Variants in USP10 observed in about 807,000 individuals in gnomAD.
The protein encoded by USP10 is ubiquitin specific peptidase 10, also known as ubiquitin carboxyl-terminal hydrolase 10.
USP10 carries 22 observed loss-of-function variants against 84.5 expected under a neutral mutation model. The ratio of observed to expected loss-of-function variants is 0.26; its 90% CI spans 0.19 to 0.37. USP10 has a LOEUF of 0.37. Ranked by LOEUF, USP10 falls within the 10% of genes least tolerant of loss-of-function variation. The pLI is 1.00. For missense variants in USP10, 1,019 were observed against 998.9 expected (o/e 1.02, Z -0.27); for synonymous variants, 454 against 387.6 (o/e 1.17, Z -2.01).
chr16:84,745,446 C>T lies in USP10; in HGVS notation c.965C>T (p.Pro322Leu). 1.2e-6 allele frequency: 2 copies of T among 1,613,660 alleles called. No individual in the cohort carries two copies. Among genetic ancestry groups the T allele is most frequent in the Admixed American group, 1.7e-5 (1 of 60,004 alleles). ...CCAACCAAACCCGAGAGTGCATCACCTCCTGCTGACGGCACGGGCTCTGCA... is the reference window on the plus strand; with the variant it reads ...CCAACCAAACCCGAGAGTGCATCACTTCCTGCTGACGGCACGGGCTCTGCA... ...LDPTKPESAS[P>L]PADGTGSASG... The change falls in exon 4 of 14, where the codon CCT becomes CTT. Residue 322 changes from proline to leucine, a missense_variant. Physicochemically the swap from Pro to Leu is moderately conservative, Grantham distance 98 (BLOSUM62 -3). This residue lies in a region of USP10 where 787 missense variants were observed against 708.8 expected (regional missense o/e 1.11). Transcript: ENST00000219473.
intron 3 of USP10, among the ~76,000 whole-genome samples, 185 bp downstream of exon 3, chr16:84,740,554 T>G (rs1187519746): frequency 1.3e-5 from 2 of 152,276 alleles, no homozygotes; most frequent in South Asian, 2.1e-4. Flanking sequence ...TTAAAGCGTA[T>G]CCTGTGCTTC....
At chr16:84,721,202 AT>A (rs919922262) in intron 1 of USP10, among the ~76,000 whole-genome samples, 12 of 152,128 alleles carry the variant, frequency 7.9e-5, no homozygotes, top group African/African-American at 2.9e-4. Context: ...ATGATGCAGA[AT>A]TTTTAAGATG....
At chr16:84,768,122 C>G (rs897668615) in intron 10 of USP10, 71 bp from the exon 11 acceptor site, 3 of 1,447,446 alleles carry the variant, frequency 2.1e-6, no homozygotes, top group African/African-American at 1.4e-5. Context: ...TGTTTATTCC[C>G]TTGGTTAATC....
chr16:84,704,281 C>G (rs943104885), intron 1 of USP10, among the ~76,000 whole-genome samples: 1 of 152,210 alleles, frequency 6.6e-6, no homozygotes, highest in African/African-American at 2.4e-5. Context: ...ATTACTGGTA[C>G]TATACCAAAA....
intron 3 of USP10, among the ~76,000 whole-genome samples, chr16:84,740,880 A>G (rs2150815363): frequency 6.6e-6 from 1 of 152,356 alleles, no homozygotes; most frequent in Admixed American, 6.5e-5. Flanking sequence ...TCTCCATCAC[A>G]GGCACTAAGC....
rs562734330 is a variant in USP10 at position 84,758,756 on chromosome 16, G to T, written c.1233G>T (p.Ser411=). The change falls in exon 5 of 14, where the codon TCG becomes TCT. Residue 411 remains serine, a synonymous_variant. Transcript: ENST00000219473. ...TAACCCTAATCCATAAACCAGTGTC[G>T]TTGCAACCCCGTGGGCTGATCAATA... ...ENVTLIHKPV[S]LQPRGLINKG... is the part of the protein sequence containing the mutation. The T allele has an allele frequency of 4.3e-6, 7 of 1,613,764 alleles. No individual in the cohort carries two copies. The Admixed American group carries it at 8.3e-5, about 19-fold the overall frequency.
rs1363724306 is a variant in USP10 at position 84,704,970 on chromosome 16, G to A, written c.21+4859G>A. 30 of 1,462,532 alleles carry A rather than the reference G, an allele frequency of 2.1e-5. No homozygotes were observed. In the South Asian group the frequency reaches 2.6e-4, roughly 13 times the overall value. The allele number at this position is 1,462,532 out of a possible 1,614,324, so 90.6% of individuals were successfully genotyped here. A position where few individuals can be genotyped will look rare whatever the true frequency, so the allele number is the denominator to read the frequency against. On this transcript the variant is annotated intron_variant, in intron 1 of 13. Transcript: ENST00000219473. ...TTAGGAGAATGTGCATGTGGAGTGCGGGCCCAGCACCTGCTACCGTCTGCG... is the reference window on the plus strand; with the variant it reads ...TTAGGAGAATGTGCATGTGGAGTGCAGGCCCAGCACCTGCTACCGTCTGCG...
At chr16:84,776,525 G>A (rs1369808777) in intron 13 of USP10, among the ~76,000 whole-genome samples, 2 of 152,220 alleles carry the variant, frequency 1.3e-5, no homozygotes, top group East Asian at 1.9e-4. Context: ...TGGAATGGAA[G>A]GTCTGAGTCC....
At chr16:84,703,241 G>T (rs1905114103) in intron 1 of USP10, among the ~76,000 whole-genome samples, 1 of 152,108 alleles carries the variant, frequency 6.6e-6, no homozygotes, top group African/African-American at 2.4e-5. Flanking sequence ...GAGGGGACCG[G>T]TTAAATTATT....
chr16:84,756,455 T>TG (rs1196293867), intron 4 of USP10, among the ~76,000 whole-genome samples: 2 of 151,994 alleles, frequency 1.3e-5, no homozygotes, highest in Non-Finnish European at 2.9e-5. Flanking sequence ...TAGCCGGGCG[T>TG]GGTGGTGCAC....
At chr16:84,701,221 T>G (rs1033637758) in intron 1 of USP10, among the ~76,000 whole-genome samples, 3 of 152,256 alleles carry the variant, frequency 2.0e-5, no homozygotes, top group African/African-American at 2.4e-5. Flanking sequence ...AATGAATGCG[T>G]GTTGTGGAAT....
At chr16:84,754,859 G>T (rs1028845853) in intron 4 of USP10, among the ~76,000 whole-genome samples, 1 of 152,146 alleles carries the variant, frequency 6.6e-6, no homozygotes, top group Non-Finnish European at 1.5e-5. Context: ...CATGAAAGGA[G>T]GCCAGGCACA....
At chr16:84,754,249 CAG>C (rs542237041) in intron 4 of USP10, among the ~76,000 whole-genome samples, 87 of 152,218 alleles carry the variant, frequency 5.7e-4, no homozygotes, top group Admixed American at 3.0e-3. Context: ...AGATTAATAA[CAG>C]AATGATACGG....
chr16:84,747,976 C>T (rs1911438557), intron 4 of USP10, among the ~76,000 whole-genome samples: 1 of 151,314 alleles, frequency 6.6e-6, no homozygotes, highest in African/African-American at 2.4e-5. Flanking sequence ...CACGGTGAAA[C>T]CCCGTCTCTA....
chr16:84,762,529 A>G (rs1206224629), intron 8 of USP10, among the ~76,000 whole-genome samples: 2 of 152,130 alleles, frequency 1.3e-5, no homozygotes, highest in Non-Finnish European at 2.9e-5. Flanking sequence ...CGTCTCTACT[A>G]AAAATACAAA....
At chr16:84,739,159 C>T (rs975911867) in intron 2 of USP10, among the ~76,000 whole-genome samples, 15 of 147,422 alleles carry the variant, frequency 1.0e-4, no homozygotes, top group East Asian at 8.0e-4. Context: ...CCCGGGTTCA[C>T]GCCATTCTCC....
At chr16:84,710,271 A>G (rs983800186) in intron 1 of USP10, among the ~76,000 whole-genome samples, 2 of 122,782 alleles carry the variant, frequency 1.6e-5, no homozygotes, top group Non-Finnish European at 3.6e-5. Context: ...CCATCTCGGA[A>G]AAAAAAAAAA....
intron 1 of USP10, among the ~76,000 whole-genome samples, chr16:84,720,931 T>C (rs1002297088): frequency 4.7e-5 from 7 of 150,208 alleles, no homozygotes; most frequent in Non-Finnish European, 8.9e-5. Flanking sequence ...TCTCGCTCTT[T>C]TGCCCAGGCT....
intron 1 of USP10, chr16:84,733,120 T>TG: frequency 2.1e-6 from 1 of 483,676 alleles, no homozygotes; most frequent in South Asian, 1.5e-5. Flanking sequence ...ATGGAACAAC[T>TG]GGCAGTATTT....
Sources: allele counts gnomAD v4.1 joint callset (sites outside exome capture counted in the v4.1 genomes callset), GRCh38; gene constraint gnomAD v4.1.1; regional missense constraint gnomAD v4.1.1; transcripts MANE v1.5; gene names NCBI Gene and HGNC (gene_info 2026-07-23, HGNC 2026-07-21).